The following GALNS variants were observed in gnomAD, a reference collection of about 807,000 sequenced individuals.
GALNS encodes the protein galactosamine (N-acetyl)-6-sulfatase, also known as N-acetylgalactosamine-6-sulfatase.
A neutral mutation model predicts 65.9 loss-of-function variants in GALNS; 65 were observed. The observed-to-expected ratio is 0.99, with a 90% CI of 0.81 to 1.21. The LOEUF (loss-of-function observed/expected upper bound fraction) is 1.21, where lower values mean the gene tolerates loss of function less well. GALNS is among the 50% of genes most tolerant of loss of function. The probability of loss-of-function intolerance (pLI) is 0.00; values close to 1 mark genes in which losing one functional copy is unlikely to be tolerated. For missense variants in GALNS, 776 were observed against 700.7 expected, an observed-to-expected ratio of 1.11 and a Z score of -1.21; for synonymous variants, 346 against 288.9, an observed-to-expected ratio of 1.20 and a Z score of -2.00.
chr16:88,832,245 CGGGGTGGCTCTCCA>C, intron 8 of GALNS, 144 bp from the exon 9 acceptor site: 1 of 766,548 alleles, frequency 1.3e-6, no homozygotes. Flanking sequence ...ATCCGAGCCT[CGGGGTGGCTCTCCA>C]GGGGCTCATC....
At chr16:88,840,653 C>T (rs942667903) in intron 4 of GALNS, 124 of 400,276 alleles carry the variant, frequency 3.1e-4, no homozygotes, top group African/African-American at 2.3e-3. Context: ...TGTGTAATGA[C>T]GTGGCCCCTC....
At chr16:88,829,947 C>A (rs897640102) in intron 9 of GALNS, among the ~76,000 whole-genome samples, 2 of 152,158 alleles carry the variant, frequency 1.3e-5, no homozygotes, top group African/African-American at 4.8e-5. Flanking sequence ...AAAAGTGGAA[C>A]AGGCGCCGGG....
chr16:88,819,411 C>T (rs944142256), intron 12 of GALNS, among the ~76,000 whole-genome samples: 1 of 152,254 alleles, frequency 6.6e-6, no homozygotes, highest in Non-Finnish European at 1.5e-5. Flanking sequence ...GTCTCAGGTG[C>T]ATTTGTGTTT....
rs1390988693 is a variant in GALNS, at chr16:88,822,673, A to C, written c.1280T>G (p.Val427Gly). 6.2e-7 allele frequency: 1 copy of C among 1,612,700 alleles called. No homozygotes were observed. Among genetic ancestry groups the C allele is most frequent in the Non-Finnish European group, 8.5e-7 (1 of 1,179,670 alleles). Residue 427 changes from valine (V) to glycine (G), a missense_variant, in exon 12 of 14, where the codon GTC becomes GGC. Transcript: ENST00000268695. ...DFCPGQNVSG[V>G]TTHNLEDHTK... ...GTGGTCTTCCAGATTGTGAGTTGTGACCCCTGAAACGTTCTGCCCAGGGCA... is the reference window on the plus strand; with the variant it reads ...GTGGTCTTCCAGATTGTGAGTTGTGCCCCCTGAAACGTTCTGCCCAGGGCA...
At chr16:88,855,565 AG>A (rs1967784189) in intron 1 of GALNS, 2 of 692,522 alleles carry the variant, frequency 2.9e-6, no homozygotes, top group Non-Finnish European at 5.3e-6. Context: ...GCAGCTGCCC[AG>A]GACTGTCGGC....
At chr16:88,837,827 C>T (rs935157194) in intron 4 of GALNS, 62 bp from the exon 5 acceptor site, 7 of 1,568,046 alleles carry the variant, frequency 4.5e-6, no homozygotes, top group Non-Finnish European at 6.1e-6. Context: ...AAGTTCTGAG[C>T]AGCAACAGAT....
intron 13 of GALNS, chr16:88,815,556 T>G: frequency 1.0e-6 from 1 of 985,462 alleles, no homozygotes; most frequent in Non-Finnish European, 1.2e-6. Context: ...AAAGGGAGAC[T>G]TATGCCGCTA....
chr16:88,834,590 A>G (rs1597566327), intron 8 of GALNS, among the ~76,000 whole-genome samples: 1 of 102,676 alleles, frequency 9.7e-6, no homozygotes, highest in Admixed American at 1.1e-4. Flanking sequence ...GTCTGGGAAG[A>G]GGCTGTAGGG....
chr16:88,835,433 T>A, intron 7 of GALNS, 81 bp from the exon 8 acceptor site: 1 of 1,556,308 alleles, frequency 6.4e-7, no homozygotes, highest in Non-Finnish European at 8.8e-7. Context: ...ATACTGTGAT[T>A]CACGGAGTTC....
chr16:88,822,552 A>G, intron 12 of GALNS, 37 bp downstream of exon 12: 1 of 1,611,112 alleles, frequency 6.2e-7, no homozygotes, highest in East Asian at 2.2e-5. Context: ...TCCGGCTGGC[A>G]CTGCCTCAGC....
rs550070281 is a variant in GALNS, at chr16:88,839,549, T to C, written c.422+1443A>G. On this transcript the variant is annotated intron_variant, in intron 4 of 13. Transcript: ENST00000268695. ...TTCATGCAGATCAAGCAGCCTCTTT[T>C]TGAGTCCAGGTGAGGGGCCTCAGGG... 3.8e-4 allele frequency among the ~76,000 whole-genome samples: 58 copies of C among 152,362 alleles called. 1 individual carries two copies. Among genetic ancestry groups the C allele is most frequent in the African/African-American group, 1.4e-3 (57 of 41,592 alleles).
chr16:88,814,344 A>T lies in GALNS; in HGVS notation c.*95T>A, dbSNP rs536448022. ...CAGGTGCTGTCTGTCTGGCTTGGGC[A>T]GGGTTGGGGGAGGACCGAGGCCAGA... On this transcript the variant is annotated 3_prime_UTR_variant, in exon 14 of 14. Coordinates refer to ENST00000268695, the MANE Select transcript of GALNS (RefSeq NM_000512.5). 4.1e-5 allele frequency: 61 copies of T among 1,493,620 alleles called. No homozygotes were observed. The highest frequency in any genetic ancestry group is 4.9e-5 in the Non-Finnish European group (54 of 1,097,606). The allele number at this position is 1,493,620 out of a possible 1,614,324, so 92.5% of individuals were successfully genotyped here.
chr16:88,845,522 G>T (rs1304960198), intron 1 of GALNS: 1 of 152,180 alleles, frequency 6.6e-6, no homozygotes, highest in African/African-American at 2.4e-5. Context: ...GCCGAGGTAG[G>T]CGGATCACAA....
intron 2 of GALNS, 181 bp from the exon 3 acceptor site, chr16:88,842,152 C>A: frequency 1.4e-6 from 1 of 694,790 alleles, no homozygotes; most frequent in South Asian, 1.5e-5. Context: ...GGGCACGGCA[C>A]CCATTCCACT....
In GALNS at chr16:88,817,283, C is replaced by T. The variant is rs1030735593; in HGVS notation, c.1482+724G>A. The T allele has an allele frequency of 1.3e-5, 13 of 985,346 alleles. No individual in the cohort carries two copies. The African/African-American group carries it at 2.3e-4, about 17-fold the overall frequency. The allele number at this position is 985,346 out of a possible 1,614,324, so 61.0% of individuals were successfully genotyped here. A position where few individuals can be genotyped will look rare whatever the true frequency, so the allele number is the denominator to read the frequency against. ...GCATCCTTTGTGGCCTGAACACAGACTTCAGTGAAACTTTGGAGGCACGTC... is the reference window on the plus strand; with the variant it reads ...GCATCCTTTGTGGCCTGAACACAGATTTCAGTGAAACTTTGGAGGCACGTC... On this transcript the variant is annotated intron_variant, in intron 13 of 13. Transcript: ENST00000268695.
intron 1 of GALNS, chr16:88,855,845 G>T: frequency 4.0e-6 from 2 of 499,228 alleles, no homozygotes; most frequent in South Asian, 2.3e-5. Context: ...TCTGCTGGTC[G>T]GAGCCAGCAC....
At position 88,841,006 on chromosome 16, in the gene GALNS, C is replaced by G; in HGVS notation, c.408G>C (p.Lys136Asn). ...ELLKKAGYVSKIVGKWHLGHR... is the reference protein window; with the variant it reads ...ELLKKAGYVSNIVGKWHLGHR... Reference sequence around the variant, plus strand: ...AGGAGACTTACCACTTGCCGACAATCTTGCTGACGTAGCCGGCCTTCTTCA... The same window carrying G: ...AGGAGACTTACCACTTGCCGACAATGTTGCTGACGTAGCCGGCCTTCTTCA... Residue 136 changes from lysine (K) to asparagine (N), a missense_variant, in exon 4 of 14, where the codon AAG (lysine) becomes AAC (asparagine). Coordinates refer to ENST00000268695, the MANE Select transcript of GALNS (RefSeq NM_000512.5). 6.2e-7 allele frequency: 1 copy of G among 1,613,182 alleles called. No homozygotes were observed. The highest frequency in any genetic ancestry group is 8.5e-7 in the Non-Finnish European group (1 of 1,179,872).
At position 88,832,266 on chromosome 16, in the gene GALNS, CATCT is replaced by C. The variant is rs1367910148; in HGVS notation, c.899-169_899-166del. On this transcript the variant is annotated intron_variant, in intron 8 of 13. Transcript: ENST00000268695. ...GCCTCGGGGTGGCTCTCCAGGGGCT[CATCT>C]GAGATGCCGCGGCTGCAAAGTCTCC... 6.6e-6 allele frequency among the ~76,000 whole-genome samples: 1 copy of C among 152,146 alleles called. No individual in the cohort carries two copies. Among genetic ancestry groups the C allele is most frequent in the Non-Finnish European group, 1.5e-5 (1 of 68,018 alleles).
At chr16:88,821,440 G>A (rs764678067) in intron 12 of GALNS, among the ~76,000 whole-genome samples, 2 of 152,220 alleles carry the variant, frequency 1.3e-5, no homozygotes, top group Non-Finnish European at 2.9e-5. Context: ...GGGAGGTGTG[G>A]GTGGACCTGG....
Sources: allele counts gnomAD v4.1 joint callset (sites outside exome capture counted in the v4.1 genomes callset), GRCh38; gene constraint gnomAD v4.1.1; transcripts MANE v1.5; gene names NCBI Gene and HGNC (gene_info 2026-07-23, HGNC 2026-07-21).